Variants in ZMAT5 observed in about 807,000 individuals in gnomAD.
The protein encoded by ZMAT5 is zinc finger matrin-type protein 5.
In ZMAT5, 23 loss-of-function variants were observed where a neutral mutation model predicts 28.0. That is an observed-to-expected ratio of 0.82 (90% CI 0.59 to 1.16). The LOEUF (loss-of-function observed/expected upper bound fraction) is 1.16. ZMAT5 is among the 50% of genes most tolerant of loss of function. The pLI is 0.00. For synonymous variants in ZMAT5, 76 were observed against 84.1 expected (o/e 0.90, Z 0.52); for missense variants, 173 against 212.7 (o/e 0.81, Z 1.16).
Position 29,757,846 on chromosome 22 carries a change from C to T in ZMAT5, c.-28+9026G>A, listed in dbSNP as rs1282666633. ...CAGCCTGACCAACATGGGGAAACCT[C>T]GTCTCTACTAAAATACAAAAAATTA... On this transcript the variant is annotated intron_variant, in intron 1 of 5. Coordinates refer to ENST00000344318, the MANE Select transcript of ZMAT5 (RefSeq NM_001003692.2). 2.6e-5 allele frequency among the ~76,000 whole-genome samples: 4 copies of T among 152,020 alleles called. No individual in the cohort carries two copies. In the South Asian group the frequency reaches 6.2e-4, roughly 24 times the overall value.
intron 1 of ZMAT5, among the ~76,000 whole-genome samples, chr22:29,750,228 T>TTA (rs1232900033): frequency 6.6e-6 from 1 of 152,186 alleles, no homozygotes; most frequent in Non-Finnish European, 1.5e-5. Flanking sequence ...GGAGTGTGAT[T>TTA]TGCCCAAGGT....
At chr22:29,763,262 C>T (rs1296013467) in intron 1 of ZMAT5, among the ~76,000 whole-genome samples, 5 of 146,718 alleles carry the variant, frequency 3.4e-5, no homozygotes, top group African/African-American at 5.0e-5. Context: ...CACTGCACTC[C>T]AGCCTGGGCA....
At chr22:29,747,743 T>C (rs1167381425) in intron 2 of ZMAT5, 1 of 159,246 alleles carries the variant, frequency 6.3e-6, no homozygotes, top group Non-Finnish European at 1.4e-5. Context: ...CCTTAGCTCA[T>C]TCACCCCAAT....
chr22:29,733,762 G>A (rs1176465103), intron 5 of ZMAT5, among the ~76,000 whole-genome samples: 1 of 152,174 alleles, frequency 6.6e-6, no homozygotes, highest in East Asian at 1.9e-4. Flanking sequence ...AGAAAATGGG[G>A]CAGATTCCTG....
chr22:29,764,169 G>A (rs1408087801), intron 1 of ZMAT5, among the ~76,000 whole-genome samples: 1 of 152,222 alleles, frequency 6.6e-6, no homozygotes, highest in East Asian at 1.9e-4. Flanking sequence ...AAAACCAAAT[G>A]AAACAAGCCA....
At chr22:29,739,655 C>T (rs2067942911) in intron 4 of ZMAT5, among the ~76,000 whole-genome samples, 1 of 152,236 alleles carries the variant, frequency 6.6e-6, no homozygotes, top group South Asian at 2.1e-4. Flanking sequence ...AGTTCCAGGC[C>T]CACTGCCCCG....
chr22:29,746,452 ATTT>A (rs1269694498), intron 2 of ZMAT5: 7 of 151,292 alleles, frequency 4.6e-5, no homozygotes, highest in Non-Finnish European at 8.8e-5. Flanking sequence ...GTCTGGCCAA[ATTT>A]TTTTATTTTT....
intron 4 of ZMAT5, among the ~76,000 whole-genome samples, chr22:29,738,955 G>A (rs1042791909): frequency 1.3e-5 from 2 of 151,872 alleles, no homozygotes; most frequent in African/African-American, 2.4e-5. Context: ...AGGCTGCAGT[G>A]AGCTAAGATC....
rs376438873 is a variant in ZMAT5 at position 29,736,674 on chromosome 22, C to T, written c.383+1656G>A. Among the ~76,000 whole-genome samples, 23 of 128,802 alleles carry T rather than the reference C, an allele frequency of 1.8e-4. No individual in the cohort carries two copies. In the East Asian group the frequency reaches 5.3e-3, roughly 30 times the overall value. The allele number at this position is 128,802 out of a possible 152,430, so 84.5% of individuals were successfully genotyped here. On this transcript the variant is annotated intron_variant, in intron 5 of 5. Transcript: ENST00000344318. ...GGCGGAGGTTGCAGTGAGCCGAGAT[C>T]GTGCCACTGCACTTCAGCCTGGGTG...
intron 1 of ZMAT5, among the ~76,000 whole-genome samples, chr22:29,764,757 C>G (rs1404595222): frequency 6.6e-6 from 1 of 152,154 alleles, no homozygotes; most frequent in Non-Finnish European, 1.5e-5. Flanking sequence ...CCCACCTTAG[C>G]CTCCCAAAGT....
Position 29,738,319 on chromosome 22 carries a change from G to A in ZMAT5, c.383+11C>T, listed in dbSNP as rs1360557027. ...GGGGGCACAGCGGGAGGGAACCCTG[G>A]GGACCTGTACCTGCTACTTGGGGCT... On this transcript the variant is annotated intron_variant, in intron 5 of 5. Coordinates refer to ENST00000344318, the MANE Select transcript of ZMAT5 (RefSeq NM_001003692.2). The A allele has an allele frequency of 6.2e-7, 1 of 1,607,312 alleles. No individual in the cohort carries two copies. Among genetic ancestry groups the A allele is most frequent in the South Asian group, 1.1e-5 (1 of 91,048 alleles).
chr22:29,738,444 G>A lies in ZMAT5; in HGVS notation c.272-3C>T, dbSNP rs775483686. ...CCACTCCCTGGCTCGCCTCTCCTCTGTGGGGACAGGGAGACAAAGGCAAGT... is the reference window on the plus strand; with the variant it reads ...CCACTCCCTGGCTCGCCTCTCCTCTATGGGGACAGGGAGACAAAGGCAAGT... On this transcript the variant is annotated splice_polypyrimidine_tract_variant and splice_region_variant and intron_variant, in intron 4 of 5. Coordinates refer to ENST00000344318, the MANE Select transcript of ZMAT5 (RefSeq NM_001003692.2). The A allele has an allele frequency of 6.2e-7, 1 of 1,609,114 alleles. No homozygotes were observed. The highest frequency in any genetic ancestry group is 8.5e-7 in the Non-Finnish European group (1 of 1,179,364).
At chr22:29,735,593 G>A (rs984424364) in intron 5 of ZMAT5, among the ~76,000 whole-genome samples, 10 of 152,254 alleles carry the variant, frequency 6.6e-5, no homozygotes, top group Non-Finnish European at 1.5e-4. Flanking sequence ...ACACAGAGCA[G>A]GGACCTAGCT....
intron 4 of ZMAT5, 54 bp downstream of exon 4, chr22:29,740,596 C>A: frequency 1.3e-6 from 2 of 1,525,402 alleles, no homozygotes; most frequent in Non-Finnish European, 1.8e-6. Context: ...GGTCTCAGAG[C>A]CCACATGCCC....
Position 29,738,660 on chromosome 22 carries a change from C to T in ZMAT5, c.272-219G>A, listed in dbSNP as rs1044484030. 6.6e-5 allele frequency among the ~76,000 whole-genome samples: 10 copies of T among 152,170 alleles called. 1 individual carries two copies. In the East Asian group the frequency reaches 1.2e-3, roughly 18 times the overall value. The stretch of plus-strand genomic sequence containing the variant: ...TTTTCCCATCAAATAGAGACAACCC[C>T]GGCTGCCTCCAAGCTCTTGGGGAGC... On this transcript the variant is annotated intron_variant, in intron 4 of 5. Transcript: ENST00000344318.
chr22:29,742,628 G>A (rs948147891), intron 2 of ZMAT5, 148 bp from the exon 3 acceptor site: 63 of 729,142 alleles, frequency 8.6e-5, no homozygotes, highest in Non-Finnish European at 1.2e-4. Flanking sequence ...AGTGGAAGCA[G>A]GAGATGACCA....
intron 1 of ZMAT5, among the ~76,000 whole-genome samples, chr22:29,754,588 T>C (rs2068082517): frequency 6.6e-6 from 1 of 152,228 alleles, no homozygotes; most frequent in South Asian, 2.1e-4. Flanking sequence ...AGGTGCCTAG[T>C]AGCCAGCTGC....
At chr22:29,745,773 G>A (rs1372278129) in intron 2 of ZMAT5, among the ~76,000 whole-genome samples, 7 of 152,242 alleles carry the variant, frequency 4.6e-5, no homozygotes, top group Admixed American at 1.3e-4. Flanking sequence ...CTAAGGGGAC[G>A]TGGCCCAGGC....
chr22:29,739,832 G>A (rs768834043), intron 4 of ZMAT5, among the ~76,000 whole-genome samples: 1 of 152,266 alleles, frequency 6.6e-6, no homozygotes, highest in Non-Finnish European at 1.5e-5. Context: ...TGCAGCCACA[G>A]CACCACTGGC....
Sources: gnomAD v4.1 joint callset for allele counts (sites outside exome capture counted in the v4.1 genomes callset) on GRCh38, gnomAD v4.1.1 for gene constraint, MANE v1.5 for transcripts, NCBI Gene and HGNC (gene_info 2026-07-23, HGNC 2026-07-21) for gene names.